CMTM4: variants seen among roughly 807,000 people sequenced by gnomAD.
The protein encoded by CMTM4 is CKLF-like MARVEL transmembrane domain-containing protein 4.
In CMTM4, 8 loss-of-function variants were observed where a neutral mutation model predicts 19.0. The ratio of observed to expected loss-of-function variants is 0.42; its 90% confidence interval spans 0.25 to 0.76. The LOEUF (loss-of-function observed/expected upper bound fraction) is 0.76, where lower values mean the gene tolerates loss of function less well. Among genes scored for constraint, CMTM4 ranks in the 30% least tolerant of loss-of-function variants. CMTM4 has a pLI of 0.27. For missense variants in CMTM4, 228 were observed against 290.2 expected, an observed-to-expected ratio of 0.79 and a Z score of 1.56; for synonymous variants, 106 against 121.1, an observed-to-expected ratio of 0.88 and a Z score of 0.82.
intron 1 of CMTM4, among the ~76,000 whole-genome samples, chr16:66,688,805 C>T (rs1227624631): frequency 6.6e-6 from 1 of 152,154 alleles, no homozygotes; most frequent in Non-Finnish European, 1.5e-5. Flanking sequence ...TTTTGGTCAT[C>T]TTTGATTTCT....
intron 2 of CMTM4, among the ~76,000 whole-genome samples, chr16:66,626,463 G>C (rs1284902378): frequency 2.6e-5 from 4 of 152,222 alleles, no homozygotes; most frequent in Non-Finnish European, 4.4e-5. Flanking sequence ...AAATTAGCCA[G>C]GCACGGTGGC....
At chr16:66,601,087 G>GTGTGTGTGTGTGTGTGTGTC in the CMTM4 span, among the ~76,000 whole-genome samples, 3 of 147,130 alleles carry the variant, frequency 2.0e-5, no homozygotes, top group South Asian at 6.5e-4. Flanking sequence ...CATGGTTTGT[G>GTGTGTGTGTGTGTGTGTGTC]TGTGTGTGTG....
In CMTM4 at chr16:66,616,665, C is replaced by T. The variant is rs568351189; in HGVS notation, c.*5393G>A. 1 of 152,314 alleles carries T rather than the reference C, an allele frequency of 6.6e-6. No individual in the cohort carries two copies. Among genetic ancestry groups the T allele is most frequent in the South Asian group, 2.1e-4 (1 of 4,826 alleles). The allele number at this position is 152,314 out of a possible 1,614,324, so 9.4% of individuals were successfully genotyped here. ...ACTTCTGCGAAGAGGGGAACAGAAT[C>T]TTGAAGCTTGCAAAATCGATTCTGG... On this transcript the variant is annotated 3_prime_UTR_variant, in exon 4 of 4. Coordinates refer to ENST00000394106, the MANE Select transcript of CMTM4 (RefSeq NM_181521.3).
chr16:66,600,334 A>G, the CMTM4 span, among the ~76,000 whole-genome samples: 2 of 151,892 alleles, frequency 1.3e-5, no homozygotes, highest in Non-Finnish European at 2.9e-5. Context: ...TAGTAGAGAC[A>G]GGGTTTCACC....
intron 1 of CMTM4, among the ~76,000 whole-genome samples, chr16:66,659,857 T>C (rs57330074): frequency 6.6e-6 from 1 of 152,324 alleles, no homozygotes; most frequent in African/African-American, 2.4e-5. Flanking sequence ...TGTGGGCACT[T>C]GTACTATTAT....
intron 1 of CMTM4, among the ~76,000 whole-genome samples, chr16:66,664,309 C>T (rs552736591): frequency 5.3e-5 from 8 of 150,504 alleles, no homozygotes; most frequent in East Asian, 1.9e-4. Flanking sequence ...CTAAATGAAA[C>T]GCTATGAGGT....
chr16:66,599,793 T>A, the CMTM4 span, among the ~76,000 whole-genome samples: 70 of 152,278 alleles, frequency 4.6e-4, no homozygotes, highest in African/African-American at 1.7e-3. Flanking sequence ...CTTTTACAGA[T>A]TTTTTTAAGA....
Position 66,696,556 on chromosome 16 carries a change from G to C in CMTM4, c.-31C>G. The C allele has an allele frequency of 2.6e-6, 3 of 1,157,506 alleles. No homozygotes were observed. The South Asian group carries it at 1.3e-4, about 49-fold the overall frequency. The allele number at this position is 1,157,506 out of a possible 1,614,324, so 71.7% of individuals were successfully genotyped here. ...CGCCCGGCCCGGGCCGCCTCGCGCG[G>C]CTGGCTCCCGGCGCCAGGAGCGGGC... On this transcript the variant is annotated 5_prime_UTR_variant, in exon 1 of 4. Transcript: ENST00000394106. The surrounding 1 kb of genome is among the most constrained non-coding windows in gnomAD (Gnocchi z 4.3).
chr16:66,686,269 A>G (rs1270326139), intron 1 of CMTM4, among the ~76,000 whole-genome samples: 5 of 147,568 alleles, frequency 3.4e-5, no homozygotes, highest in Non-Finnish European at 6.0e-5. Flanking sequence ...AAAAAAAAAC[A>G]ACAAAGTTCC....
rs1445583071 is a variant in CMTM4, at chr16:66,618,653, G to T, written c.*3405C>A. 1 of 985,380 alleles carries T rather than the reference G, an allele frequency of 1.0e-6. No individual in the cohort carries two copies. The highest frequency in any genetic ancestry group is 1.7e-5 in the African/African-American group (1 of 57,246). 61.0% of individuals were successfully genotyped at this position (985,380 alleles called of 1,614,324 possible). On this transcript the variant is annotated 3_prime_UTR_variant, in exon 4 of 4. Coordinates refer to ENST00000394106, the MANE Select transcript of CMTM4 (RefSeq NM_181521.3). Reference sequence around the variant, plus strand: ...AATTCACGTACATGAGTGCACAAAGGTGTTGGAGCTTGGTCTCCTCAGGCT... The same window carrying T: ...AATTCACGTACATGAGTGCACAAAGTTGTTGGAGCTTGGTCTCCTCAGGCT...
Position 66,620,480 on chromosome 16 carries a change from C to T in CMTM4, c.*1578G>A. The T allele has an allele frequency of 1.0e-6, 1 of 985,544 alleles. No homozygotes were observed. Among genetic ancestry groups the T allele is most frequent in the Non-Finnish European group, 1.2e-6 (1 of 830,014 alleles). 61.0% of individuals were successfully genotyped at this position (985,544 alleles called of 1,614,324 possible). ...CTAACCCCAACTCCGACCCCCAGCC[C>T]AGCAGTGTTGCCTGATCAACACTGT... On this transcript the variant is annotated 3_prime_UTR_variant, in exon 4 of 4. Coordinates refer to ENST00000394106, the MANE Select transcript of CMTM4 (RefSeq NM_181521.3).
chr16:66,625,581 G>C (rs908903237), intron 2 of CMTM4, among the ~76,000 whole-genome samples: 3 of 151,982 alleles, frequency 2.0e-5, no homozygotes, highest in African/African-American at 7.3e-5. Flanking sequence ...GCAAATACAG[G>C]GAAAAAATAT....
chr16:66,639,465 G>A (rs165209), intron 1 of CMTM4, among the ~76,000 whole-genome samples: 7,535 of 152,204 alleles, frequency 0.05, 295 homozygotes, highest in Admixed American at 0.11. Flanking sequence ...TAATAAAGGA[G>A]TTGTTTTTTT....
intron 1 of CMTM4, among the ~76,000 whole-genome samples, chr16:66,670,439 C>CA (rs35296025): frequency 0.037 from 3,402 of 91,336 alleles, 106 homozygotes; most frequent in South Asian, 0.12. Context: ...GACTCTGTCT[C>CA]AAAAAAAAAA....
chr16:66,666,397 G>A (rs187150218), intron 1 of CMTM4, among the ~76,000 whole-genome samples: 5 of 151,990 alleles, frequency 3.3e-5, no homozygotes, highest in Admixed American at 3.3e-4. Context: ...AGCTGGCAGT[G>A]AGCCGAGATC....
Position 66,621,717 on chromosome 16 carries a change from C to A in CMTM4, c.*341G>T. The A allele has an allele frequency of 1.2e-5, 13 of 1,093,728 alleles. No individual in the cohort carries two copies. The highest frequency in any genetic ancestry group is 1.6e-5 in the African/African-American group (1 of 62,384). The allele number at this position is 1,093,728 out of a possible 1,614,324, so 67.8% of individuals were successfully genotyped here. ...TCCCTTCATTCCTTCATATTTCCCC[C>A]CTCTTAGCAGCCCCATTTAATCCAA... On this transcript the variant is annotated 3_prime_UTR_variant, in exon 4 of 4. Coordinates refer to ENST00000394106, the MANE Select transcript of CMTM4 (RefSeq NM_181521.3).
chr16:66,642,246 TA>T (rs1567412649), intron 1 of CMTM4, among the ~76,000 whole-genome samples: 4 of 152,208 alleles, frequency 2.6e-5, no homozygotes, highest in African/African-American at 9.6e-5. Context: ...GTTCAACTTA[TA>T]ACAACCTTGA....
At chr16:66,656,927 A>C (rs1490254412) in intron 1 of CMTM4, among the ~76,000 whole-genome samples, 25 of 152,214 alleles carry the variant, frequency 1.6e-4, no homozygotes, top group Admixed American at 1.6e-3. Flanking sequence ...TGAAGGCTAA[A>C]GAACTATCCC....
intron 1 of CMTM4, among the ~76,000 whole-genome samples, chr16:66,673,037 G>C (rs577712036): frequency 7.0e-6 from 1 of 141,964 alleles, no homozygotes; most frequent in South Asian, 2.3e-4. Context: ...CGCCTCCCAA[G>C]AAGCTGGGAT....
Sources: gnomAD v4.1 joint callset for allele counts (sites outside exome capture counted in the v4.1 genomes callset) on GRCh38, gnomAD v4.1.1 for gene constraint, Gnocchi (gnomAD v3.1) non-coding constraint, MANE v1.5 for transcripts, NCBI Gene and HGNC (gene_info 2026-07-23, HGNC 2026-07-21) for gene names.